Variants in PCDH1 observed in about 807,000 individuals in gnomAD.
The protein encoded by PCDH1 is protocadherin-1.
In PCDH1, 23 loss-of-function variants were observed where a neutral mutation model predicts 74.6. The observed-to-expected ratio is 0.31, with a 90% CI of 0.22 to 0.44. The LOEUF (loss-of-function observed/expected upper bound fraction) is 0.44. Ranked by LOEUF, PCDH1 falls within the 20% of genes least tolerant of loss-of-function variation. The probability of loss-of-function intolerance (pLI) is 1.00; values close to 1 mark genes in which losing one functional copy is unlikely to be tolerated. For missense variants in PCDH1, 1,214 were observed against 1,641.4 expected, an observed-to-expected ratio of 0.74 and a Z score of 4.50; for synonymous variants, 647 against 686.1, an observed-to-expected ratio of 0.94 and a Z score of 0.89.
chr5:141,864,693 C>T lies in PCDH1; in HGVS notation c.1638G>A (p.Glu546=). The change falls in exon 3 of 5, where the codon GAG becomes GAA. Residue 546 remains glutamate, a synonymous_variant. Coordinates refer to ENST00000287008, the MANE Select transcript of PCDH1 (RefSeq NM_032420.5). The surrounding 1 kb of genome is among the most constrained non-coding windows in gnomAD (Gnocchi z 5.9). ...GSNAELVYSL[E]PEPAAKGLFT... ...AGAGGCCCTTAGCAGCCGGCTCAGG[C>T]TCCAGAGAGTAAACCAGCTCAGCAT... 5 of 1,614,170 alleles carry T rather than the reference C, an allele frequency of 3.1e-6. No individual in the cohort carries two copies. Among genetic ancestry groups the T allele is most frequent in the Non-Finnish European group, 4.2e-6 (5 of 1,180,036 alleles).
Position 141,854,249 on chromosome 5 carries a change from G to C in PCDH1, c.3507C>G (p.Ala1169=), listed in dbSNP as rs915107471. ...QDRGGQEPAG[A]GSPSPPEDRN... ...GGTCTTCCGGGGGGCTGGGGCTGCC[G>C]GCGCCCGCAGGCTCCTGCCCTCCTC... The change falls in exon 5 of 5, where the codon GCC becomes GCG. Residue 1169 remains alanine, a synonymous_variant. Coordinates refer to ENST00000287008, the MANE Select transcript of PCDH1 (RefSeq NM_032420.5). The C allele has an allele frequency of 6.2e-7, 1 of 1,611,466 alleles. No individual in the cohort carries two copies. Among genetic ancestry groups the C allele is most frequent in the Non-Finnish European group, 8.5e-7 (1 of 1,178,878 alleles).
chr5:141,874,720 G>A (rs1194381808), intron 1 of PCDH1, among the ~76,000 whole-genome samples: 1 of 152,178 alleles, frequency 6.6e-6, no homozygotes, highest in East Asian at 1.9e-4. Flanking sequence ...AAAACACACA[G>A]AGGCAGCCAC....
At chr5:141,856,160 TG>T in intron 4 of PCDH1, 1 of 1,441,732 alleles carries the variant, frequency 6.9e-7, no homozygotes, top group Non-Finnish European at 9.4e-7. Context: ...GGGCACTGGG[TG>T]GGTGAGGCTG....
chr5:141,854,209 C>T lies in PCDH1; in HGVS notation c.3547G>A (p.Ala1183Thr). The T allele has an allele frequency of 6.2e-7, 1 of 1,610,172 alleles. No individual in the cohort carries two copies. Among genetic ancestry groups the T allele is most frequent in the South Asian group, 1.1e-5 (1 of 90,788 alleles). Reference sequence around the variant, plus strand: ...TAGGAGGGCAGGAGGCGCACGGGGGCCGTTTTGGTGTTCCGGTCTTCCGGG... The same window carrying T: ...TAGGAGGGCAGGAGGCGCACGGGGGTCGTTTTGGTGTTCCGGTCTTCCGGG... The part of the protein sequence containing the change: ...SPPEDRNTKT[A>T]PVRLLPSYSA... The change falls in exon 5 of 5, where the codon GCC becomes ACC. Residue 1183 changes from alanine (A) to threonine (T), a missense_variant. Ala to Thr is a moderately conservative substitution (Grantham distance 58). Transcript: ENST00000287008.
intron 1 of PCDH1, among the ~76,000 whole-genome samples, chr5:141,871,635 G>A (rs1753098541): frequency 6.6e-6 from 1 of 152,230 alleles, no homozygotes; most frequent in South Asian, 2.1e-4. Flanking sequence ...TAGCACAATT[G>A]TAGTTGTGTA....
chr5:141,867,697 G>A (rs1736832260), intron 2 of PCDH1: 1 of 422,376 alleles, frequency 2.4e-6, no homozygotes, highest in Middle Eastern at 3.7e-4. Flanking sequence ...TTCCAGGATG[G>A]GTAATGGTGT....
intron 1 of PCDH1, among the ~76,000 whole-genome samples, chr5:141,877,997 C>A (rs1167748539): frequency 6.6e-6 from 1 of 152,200 alleles, no homozygotes; most frequent in Non-Finnish European, 1.5e-5. Flanking sequence ...CTGCTCAGCA[C>A]CCCCTCCCCT....
intron 3 of PCDH1, among the ~76,000 whole-genome samples, chr5:141,860,348 C>T (rs1335223417): frequency 6.6e-6 from 1 of 151,750 alleles, no homozygotes; most frequent in Non-Finnish European, 1.5e-5. Context: ...CCTGTCTCTA[C>T]AGAAATTACA....
intron 3 of PCDH1, among the ~76,000 whole-genome samples, chr5:141,858,575 C>T (rs1277846660): frequency 6.6e-6 from 1 of 152,180 alleles, no homozygotes; most frequent in Non-Finnish European, 1.5e-5. Context: ...GTATGCCTGC[C>T]ACAGGTTAAC....
At chr5:141,856,233 T>C in intron 4 of PCDH1, 1 of 1,534,946 alleles carries the variant, frequency 6.5e-7, no homozygotes, top group Non-Finnish European at 8.7e-7. Flanking sequence ...CCTGGCACTC[T>C]GCCTCAGGGC....
In PCDH1 at chr5:141,863,511, G is replaced by T. The variant is rs1037343672; in HGVS notation, c.2820C>A (p.Asn940Lys). 2 of 1,613,488 alleles carry T rather than the reference G, an allele frequency of 1.2e-6. No individual in the cohort carries two copies. The highest frequency in any genetic ancestry group is 1.7e-5 in the Admixed American group (1 of 59,940). The change falls in exon 3 of 5, where the codon AAC (asparagine) becomes AAA (lysine). Residue 940 changes from asparagine to lysine, a missense_variant. Around this residue, in one of 4 missense-constraint regions of PCDH1, gnomAD observed 836 missense variants for 1,182.2 expected, o/e 0.71. Transcript: ENST00000287008. This position sits in a 1 kb window ranked among gnomAD's most constrained non-coding sequence, Gnocchi z 7.5. ...EAGLQKSLKF[N>K]LMSDAPGDSP... ...TGTCCCCAGGGGCATCGCTCATCAG[G>T]TTGAACTTGAGGGACTTCTGCAGCC...
intron 2 of PCDH1, chr5:141,867,500 C>T (rs1175183564): frequency 4.6e-6 from 2 of 434,866 alleles, no homozygotes; most frequent in African/African-American, 2.1e-5. Flanking sequence ...TGATATAATA[C>T]ACATCATGTG....
Position 141,865,541 on chromosome 5 carries a change from C to A in PCDH1, c.904-114G>T. On this transcript the variant is annotated intron_variant, in intron 2 of 4. Coordinates refer to ENST00000287008, the MANE Select transcript of PCDH1 (RefSeq NM_032420.5). This position sits in a 1 kb window ranked among gnomAD's most constrained non-coding sequence, Gnocchi z 4.4. ...TTCCAACAAGCATGGCAGACACAGC[C>A]AATCCAACATCGCTCCCTTTCCAGA... 1 of 1,175,216 alleles carries A rather than the reference C, an allele frequency of 8.5e-7. No individual in the cohort carries two copies. Among genetic ancestry groups the A allele is most frequent in the Non-Finnish European group, 1.2e-6 (1 of 827,412 alleles). The allele number at this position is 1,175,216 out of a possible 1,614,324, so 72.8% of individuals were successfully genotyped here.
chr5:141,861,460 G>C (rs1381473705), intron 3 of PCDH1, among the ~76,000 whole-genome samples: 1 of 152,098 alleles, frequency 6.6e-6, no homozygotes. Flanking sequence ...TCATGGGAAA[G>C]AAAAAGAGAT....
rs547605068 is a variant in PCDH1 at position 141,863,069 on chromosome 5, G to A, written c.3099+163C>T. The stretch of plus-strand genomic sequence containing the variant: ...TTCACTCAGCCTAATCCGTGTGCCC[G>A]GTGAGGCACTAAGGCCCCACCTCCC... On this transcript the variant is annotated intron_variant, in intron 3 of 4. Coordinates refer to ENST00000287008, the MANE Select transcript of PCDH1 (RefSeq NM_032420.5). The surrounding 1 kb of genome is among the most constrained non-coding windows in gnomAD (Gnocchi z 7.5). 93 of 1,366,424 alleles carry A rather than the reference G, an allele frequency of 6.8e-5. No homozygotes were observed. The Middle Eastern group carries it at 7.7e-4, about 11-fold the overall frequency. The allele number at this position is 1,366,424 out of a possible 1,614,324, so 84.6% of individuals were successfully genotyped here.
In PCDH1 at chr5:141,863,400, G is replaced by A. The variant is rs760114556; in HGVS notation, c.2931C>T (p.Ser977=). The change falls in exon 3 of 5, where the codon TCC becomes TCT. Residue 977 remains serine (S), a synonymous_variant. Transcript: ENST00000287008. This position sits in a 1 kb window ranked among gnomAD's most constrained non-coding sequence, Gnocchi z 7.5. ...RHYRSNSPLP[S]IQLQPQSPSA... is the part of the protein sequence containing the mutation. ...AGGGTGACTGGGGCTGCAGCTGGAT[G>A]GAAGGCAGTGGGGAGTTAGAGCGAT... 5.7e-5 allele frequency: 88 copies of A among 1,553,638 alleles called. No individual in the cohort carries two copies. In the Admixed American group the frequency reaches 1.6e-3, roughly 29 times the overall value.
chr5:141,866,573 C>G (rs1752848413), intron 2 of PCDH1, among the ~76,000 whole-genome samples: 1 of 152,122 alleles, frequency 6.6e-6, no homozygotes, highest in South Asian at 2.1e-4. Context: ...GGCAGAGTCT[C>G]TGGGGTAACA....
At chr5:141,857,229 C>A in intron 4 of PCDH1, 23 bp downstream of exon 4, 1 of 1,528,684 alleles carries the variant, frequency 6.5e-7, no homozygotes, top group South Asian at 1.3e-5. Context: ...CTGGGGTGCC[C>A]TGACCATGGT....
chr5:141,857,311 T>A lies in PCDH1; in HGVS notation c.3260A>T (p.Asp1087Val). 1 of 1,613,226 alleles carries A rather than the reference T, an allele frequency of 6.2e-7. No individual in the cohort carries two copies. Among genetic ancestry groups the A allele is most frequent in the Non-Finnish European group, 8.5e-7 (1 of 1,179,790 alleles). The change falls in exon 4 of 5, where the codon GAT becomes GTT. Residue 1087 changes from aspartate to valine, a missense_variant. This residue lies in a region of PCDH1 where 836 missense variants were observed against 1,182.2 expected (regional missense o/e 0.71). Coordinates refer to ENST00000287008, the MANE Select transcript of PCDH1 (RefSeq NM_032420.5). Reference protein sequence around the residue: ...PRLGPLALPEDHYERTTPDGS... With the variant: ...PRLGPLALPEVHYERTTPDGS... ...ATCAGGGGTGGTGCGCTCATAGTGA[T>A]CCTCAGGCAGGGCCAGGGGACCGAG...
Sources: allele counts gnomAD v4.1 joint callset (sites outside exome capture counted in the v4.1 genomes callset), GRCh38; gene constraint gnomAD v4.1.1; regional missense constraint gnomAD v4.1.1; non-coding constraint Gnocchi (gnomAD v3.1); transcripts MANE v1.5; gene names NCBI Gene and HGNC (gene_info 2026-07-23, HGNC 2026-07-21).